GPT2: variants seen among roughly 807,000 people sequenced by gnomAD.
GPT2 encodes the protein alanine aminotransferase 2.
A neutral mutation model predicts 56.9 loss-of-function variants in GPT2; 30 were observed. The ratio of observed to expected loss-of-function variants is 0.53; its 90% confidence interval spans 0.39 to 0.72. GPT2 has a LOEUF of 0.72. Ranked by LOEUF, GPT2 falls within the 30% of genes least tolerant of loss-of-function variation. The pLI is 0.00. For missense variants in GPT2, 542 were observed against 703.4 expected (o/e 0.77, Z 2.60); for synonymous variants, 271 against 283.1 (o/e 0.96, Z 0.43).
rs1168383832 is a variant in GPT2, at chr16:46,929,421, C to A, written c.*424C>A. ...ACCACCATGATCTGTGAAATAAAGCCCTTAGCGGTGTGAAGCATCCGGTCC... is the reference window on the plus strand; with the variant it reads ...ACCACCATGATCTGTGAAATAAAGCACTTAGCGGTGTGAAGCATCCGGTCC... On this transcript the variant is annotated 3_prime_UTR_variant, in exon 12 of 12. Transcript: ENST00000340124. 1.0e-5 allele frequency: 2 copies of A among 198,808 alleles called. No individual in the cohort carries two copies. Among genetic ancestry groups the A allele is most frequent in the Non-Finnish European group, 2.1e-5 (2 of 94,814 alleles). 12.3% of individuals were successfully genotyped at this position (198,808 alleles called of 1,614,324 possible).
At chr16:46,890,754 TACTC>T in intron 2 of GPT2, among the ~76,000 whole-genome samples, 1 of 152,254 alleles carries the variant, frequency 6.6e-6, no homozygotes, top group South Asian at 2.1e-4. Context: ...CAATTATTAA[TACTC>T]CATCCTTTAC....
chr16:46,897,795 C>T (rs1406886674), intron 3 of GPT2, 58 bp downstream of exon 3: 16 of 1,500,352 alleles, frequency 1.1e-5, no homozygotes, highest in East Asian at 9.1e-5. Context: ...CTGGGCGGGC[C>T]GTCATAGGGG....
intron 4 of GPT2, among the ~76,000 whole-genome samples, chr16:46,902,204 A>T (rs1960833102): frequency 6.6e-6 from 1 of 152,180 alleles, no homozygotes; most frequent in Non-Finnish European, 1.5e-5. Context: ...TGTCCCTGTG[A>T]GTTCCCTCGT....
At chr16:46,892,078 T>C in intron 2 of GPT2, among the ~76,000 whole-genome samples, 1 of 152,170 alleles carries the variant, frequency 6.6e-6, no homozygotes. Context: ...ACATATGCAC[T>C]CCCCCAACCC....
chr16:46,912,336 C>T (rs1478903974), intron 6 of GPT2, among the ~76,000 whole-genome samples: 1 of 152,166 alleles, frequency 6.6e-6, no homozygotes, highest in Admixed American at 6.5e-5. Flanking sequence ...TTGCAGTCCT[C>T]AGGAAGAATC....
chr16:46,926,028 G>A lies in GPT2; in HGVS notation c.1369-897G>A, dbSNP rs556663255. Among the ~76,000 whole-genome samples, 8 of 151,614 alleles carry A rather than the reference G, an allele frequency of 5.3e-5. No individual in the cohort carries two copies. The South Asian group carries it at 1.7e-3, about 32-fold the overall frequency. On this transcript the variant is annotated intron_variant, in intron 10 of 11. Coordinates refer to ENST00000340124, the MANE Select transcript of GPT2 (RefSeq NM_133443.4). Reference sequence around the variant, plus strand: ...CAGTGTAATCCCAGCTACTCTGGAGGCTGAGGCAGGGAGAATCGCTTAAAC... The same window carrying A: ...CAGTGTAATCCCAGCTACTCTGGAGACTGAGGCAGGGAGAATCGCTTAAAC...
intron 10 of GPT2, among the ~76,000 whole-genome samples, chr16:46,925,113 T>C (rs1481696881): frequency 6.6e-6 from 1 of 152,056 alleles, no homozygotes; most frequent in Non-Finnish European, 1.5e-5. Flanking sequence ...GGTCTTACTT[T>C]GTTGCCCGGG....
At chr16:46,904,179 G>A (rs181758942) in intron 4 of GPT2, among the ~76,000 whole-genome samples, 35 of 152,290 alleles carry the variant, frequency 2.3e-4, no homozygotes, top group African/African-American at 6.3e-4. Context: ...CAGAAGAAAC[G>A]GGTAACAGCC....
Position 46,914,059 on chromosome 16 carries a change from TG to T in GPT2, c.821-2567del, listed in dbSNP as rs1961095132. 2.0e-5 allele frequency among the ~76,000 whole-genome samples: 3 copies of T among 152,170 alleles called. No individual in the cohort carries two copies. In the South Asian group the frequency reaches 6.2e-4, roughly 31 times the overall value. ...AAGAAGTTAGCAAGCCTGATTATAG[TG>T]GTGGTTTTCCAGAGGATATTGTGAG... On this transcript the variant is annotated intron_variant, in intron 6 of 11. Transcript: ENST00000340124.
At chr16:46,928,507 C>T (rs1345055438) in intron 11 of GPT2, among the ~76,000 whole-genome samples, 2 of 150,548 alleles carry the variant, frequency 1.3e-5, no homozygotes, top group African/African-American at 2.5e-5. Context: ...TCTGTAATCC[C>T]AGCTACTCGG....
intron 10 of GPT2, among the ~76,000 whole-genome samples, chr16:46,926,547 A>G (rs1399741717): frequency 6.6e-6 from 1 of 152,172 alleles, no homozygotes; most frequent in African/African-American, 2.4e-5. Flanking sequence ...AGCAGTGTTG[A>G]GAGTGCCTCA....
chr16:46,905,801 G>C (rs1960913183), intron 4 of GPT2, among the ~76,000 whole-genome samples: 1 of 152,198 alleles, frequency 6.6e-6, no homozygotes, highest in African/African-American at 2.4e-5. Context: ...TGGATACGGA[G>C]CTGCCAACCC....
At chr16:46,924,575 T>C (rs376496953) in intron 10 of GPT2, 31 bp downstream of exon 10, 15 of 1,609,454 alleles carry the variant, frequency 9.3e-6, no homozygotes, top group Non-Finnish European at 1.3e-5. Flanking sequence ...TGGCTCTCTC[T>C]TACCAGGTTC....
chr16:46,927,438 C>T (rs938956253), intron 11 of GPT2, among the ~76,000 whole-genome samples: 6 of 152,190 alleles, frequency 3.9e-5, no homozygotes, highest in Non-Finnish European at 8.8e-5. Context: ...GCACCCTGGG[C>T]CATGGCACTG....
intron 8 of GPT2, among the ~76,000 whole-genome samples, chr16:46,921,686 T>A (rs1485187256): frequency 2.0e-5 from 3 of 152,158 alleles, no homozygotes; most frequent in Admixed American, 2.0e-4. Flanking sequence ...TCATGTGTCC[T>A]CAGCTTATTT....
In GPT2 at chr16:46,917,293, C is replaced by G. The variant is rs900019534; in HGVS notation, c.900+586C>G. Among the ~76,000 whole-genome samples, 9 of 152,222 alleles carry G rather than the reference C, an allele frequency of 5.9e-5. No homozygotes were observed. In the East Asian group the frequency reaches 1.5e-3, roughly 26 times the overall value. On this transcript the variant is annotated intron_variant, in intron 7 of 11. Coordinates refer to ENST00000340124, the MANE Select transcript of GPT2 (RefSeq NM_133443.4). ...TCTCCCAAACCTCCAGATAGAGAACCAAGGAGGGTTATTCCTTGAGGGCCA... is the reference window on the plus strand; with the variant it reads ...TCTCCCAAACCTCCAGATAGAGAACGAAGGAGGGTTATTCCTTGAGGGCCA...
intron 3 of GPT2, among the ~76,000 whole-genome samples, chr16:46,899,968 C>T (rs1441651764): frequency 6.6e-6 from 1 of 152,180 alleles, no homozygotes; most frequent in Non-Finnish European, 1.5e-5. Flanking sequence ...CAGCTCAGTG[C>T]CCATTGTGCA....
At chr16:46,896,506 G>A (rs1340549429) in intron 2 of GPT2, among the ~76,000 whole-genome samples, 1 of 151,968 alleles carries the variant, frequency 6.6e-6, no homozygotes, top group African/African-American at 2.4e-5. Context: ...GCAAAGAATG[G>A]GTTGCAAGAA....
chr16:46,900,210 CCAGTTTT>C (rs1960788994), intron 3 of GPT2, among the ~76,000 whole-genome samples: 1 of 151,700 alleles, frequency 6.6e-6, no homozygotes, highest in Non-Finnish European at 1.5e-5. Flanking sequence ...GAAAGCTGGT[CCAGTTTT>C]CATCTAGGGA....
Sources: allele counts gnomAD v4.1 joint callset (sites outside exome capture counted in the v4.1 genomes callset), GRCh38; gene constraint gnomAD v4.1.1; transcripts MANE v1.5; gene names NCBI Gene and HGNC (gene_info 2026-07-23, HGNC 2026-07-21).